The following ALDH1A2 variants were observed in gnomAD, a reference collection of about 807,000 sequenced individuals.
ALDH1A2 encodes aldehyde dehydrogenase 1 family member A2.
A neutral mutation model predicts 60.3 loss-of-function variants in ALDH1A2; 27 were observed. The ratio of observed to expected loss-of-function variants is 0.45; its 90% confidence interval spans 0.33 to 0.62. ALDH1A2 has a LOEUF of 0.62. Ranked by LOEUF, ALDH1A2 falls within the 20% of genes least tolerant of loss-of-function variation. The pLI, the probability that ALDH1A2 is intolerant of heterozygous loss-of-function variation, is 0.02. For synonymous variants in ALDH1A2, 289 were observed against 232.4 expected, an observed-to-expected ratio of 1.24 and a Z score of -2.21; for missense variants, 581 against 643.8, an observed-to-expected ratio of 0.90 and a Z score of 1.06.
At chr15:58,049,084 C>T (rs1413337039) in intron 1 of ALDH1A2, among the ~76,000 whole-genome samples, 5 of 152,042 alleles carry the variant, frequency 3.3e-5, no homozygotes, top group African/African-American at 1.2e-4. Context: ...AGTAAGTACC[C>T]TTTTCTGTTC....
chr15:58,022,638 C>CAGTTTT (rs1252518986), intron 1 of ALDH1A2, among the ~76,000 whole-genome samples: 1 of 152,156 alleles, frequency 6.6e-6, no homozygotes, highest in African/African-American at 2.4e-5. Flanking sequence ...ACTGCAACCA[C>CAGTTTT]TAGGGCCTAA....
At chr15:58,051,750 G>C (rs1412905706) in intron 1 of ALDH1A2, among the ~76,000 whole-genome samples, 2 of 152,124 alleles carry the variant, frequency 1.3e-5, no homozygotes, top group South Asian at 4.1e-4. Flanking sequence ...ATGTGGTTTT[G>C]ATGTGAAGAA....
chr15:57,959,082 G>T (rs1437876490), intron 12 of ALDH1A2, among the ~76,000 whole-genome samples: 1 of 152,160 alleles, frequency 6.6e-6, no homozygotes, highest in African/African-American at 2.4e-5. Flanking sequence ...TGTAACAAGT[G>T]TGCCCACAAT....
At chr15:58,034,809 C>G (rs1165630882) in intron 1 of ALDH1A2, among the ~76,000 whole-genome samples, 1 of 151,554 alleles carries the variant, frequency 6.6e-6, no homozygotes, top group African/African-American at 2.4e-5. Flanking sequence ...CCTTGTATGC[C>G]TGAAATAAAT....
At chr15:57,976,928 T>C (rs745662006) in intron 7 of ALDH1A2, among the ~76,000 whole-genome samples, 12 of 152,172 alleles carry the variant, frequency 7.9e-5, no homozygotes, top group Non-Finnish European at 1.5e-4. Flanking sequence ...GCATCTGTTG[T>C]TTCCTGACTT....
At chr15:57,992,843 C>A in intron 6 of ALDH1A2, 25 bp from the exon 7 acceptor site, 1 of 1,613,868 alleles carries the variant, frequency 6.2e-7, no homozygotes, top group Non-Finnish European at 8.5e-7. Flanking sequence ...CAGGAGGAAA[C>A]GTGGCTGATG....
intron 1 of ALDH1A2, among the ~76,000 whole-genome samples, chr15:58,032,394 T>C (rs1239668152): frequency 2.0e-5 from 3 of 152,070 alleles, no homozygotes; most frequent in Non-Finnish European, 2.9e-5. Flanking sequence ...TTAGGAGATA[T>C]ACCTAATGTT....
intron 4 of ALDH1A2, among the ~76,000 whole-genome samples, chr15:57,996,597 C>T (rs1188983796): frequency 6.6e-6 from 1 of 151,298 alleles, no homozygotes; most frequent in African/African-American, 2.4e-5. Context: ...TGTAAACCCT[C>T]CTACTAAGGG....
chr15:58,062,442 G>C (rs1321868642), intron 1 of ALDH1A2, among the ~76,000 whole-genome samples: 1 of 152,194 alleles, frequency 6.6e-6, no homozygotes, highest in Non-Finnish European at 1.5e-5. Context: ...GCAGTCAGGG[G>C]CGGTCAGTAA....
chr15:57,961,380 T>G, intron 10 of ALDH1A2, 86 bp from the exon 11 acceptor site: 2 of 1,499,702 alleles, frequency 1.3e-6, no homozygotes, highest in South Asian at 2.3e-5. Flanking sequence ...TACTCTGCCT[T>G]GATTACTTAA....
At chr15:57,962,988 A>G (rs989202134) in intron 9 of ALDH1A2, among the ~76,000 whole-genome samples, 2 of 152,160 alleles carry the variant, frequency 1.3e-5, no homozygotes, top group African/African-American at 4.8e-5. Context: ...GCTGTTCAGG[A>G]GAGACTTTGT....
At chr15:57,973,240 C>A (rs902192572) in intron 7 of ALDH1A2, among the ~76,000 whole-genome samples, 4 of 152,122 alleles carry the variant, frequency 2.6e-5, no homozygotes, top group Non-Finnish European at 5.9e-5. Flanking sequence ...TTTATAAGAG[C>A]TCTTTTATAT....
chr15:58,025,786 G>T (rs1386083271), intron 1 of ALDH1A2, among the ~76,000 whole-genome samples: 1 of 152,216 alleles, frequency 6.6e-6, no homozygotes, highest in Non-Finnish European at 1.5e-5. Context: ...TTACAATCAC[G>T]GCAGAATGTG....
At chr15:57,997,829 T>C (rs901177274) in intron 4 of ALDH1A2, among the ~76,000 whole-genome samples, 5 of 151,994 alleles carry the variant, frequency 3.3e-5, no homozygotes, top group African/African-American at 7.2e-5. Context: ...TTGAAAAGCA[T>C]TTAGCTACAG....
intron 7 of ALDH1A2, among the ~76,000 whole-genome samples, chr15:57,981,354 C>G (rs1206536743): frequency 6.8e-6 from 1 of 146,028 alleles, no homozygotes; most frequent in African/African-American, 2.6e-5. Flanking sequence ...TGACTGGTAG[C>G]CAAAAATATT....
intron 4 of ALDH1A2, among the ~76,000 whole-genome samples, chr15:57,996,448 CT>C (rs200159558): frequency 8.2e-5 from 12 of 147,048 alleles, no homozygotes; most frequent in African/African-American, 2.0e-4. Context: ...CTTTTATCCT[CT>C]TTTTTTTTAT....
chr15:58,016,268 C>T (rs1265218850), intron 1 of ALDH1A2, among the ~76,000 whole-genome samples: 5 of 151,836 alleles, frequency 3.3e-5, no homozygotes, highest in Admixed American at 6.6e-5. Flanking sequence ...CTCAGCCTCC[C>T]GAGTAGCAGG....
At chr15:57,980,430 G>A in intron 7 of ALDH1A2, 1 of 348,482 alleles carries the variant, frequency 2.9e-6, no homozygotes, top group South Asian at 3.0e-5. Context: ...TTGATCTTGG[G>A]GAATGAGGCC....
intron 1 of ALDH1A2, among the ~76,000 whole-genome samples, chr15:58,039,495 TC>T (rs1455686248): frequency 6.6e-6 from 1 of 151,738 alleles, no homozygotes; most frequent in Non-Finnish European, 1.5e-5. Flanking sequence ...CCATTTACTA[TC>T]CCCCTGGAAT....
Sources: gnomAD v4.1 joint callset for allele counts (sites outside exome capture counted in the v4.1 genomes callset) on GRCh38, gnomAD v4.1.1 for gene constraint, MANE v1.5 for transcripts, NCBI Gene and HGNC (gene_info 2026-07-23, HGNC 2026-07-21) for gene names.